The following KAZN variants were observed in gnomAD, a reference collection of about 807,000 sequenced individuals.
The protein encoded by KAZN is kazrin, periplakin interacting protein, also known as kazrin.
In KAZN, 40 loss-of-function variants were observed where a neutral mutation model predicts 87.4. The ratio of observed to expected loss-of-function variants is 0.46; its 90% CI spans 0.36 to 0.60. The LOEUF (loss-of-function observed/expected upper bound fraction) is 0.60, where lower values mean the gene tolerates loss of function less well. KAZN is among the 20% of genes least tolerant of loss of function. KAZN has a pLI of 0.00. For missense variants in KAZN, 898 were observed against 1,073.9 expected, an observed-to-expected ratio of 0.84 and a Z score of 2.29; for synonymous variants, 466 against 458.3, an observed-to-expected ratio of 1.02 and a Z score of -0.22.
intron 1 of KAZN, among the ~76,000 whole-genome samples, chr1:14,817,173 A>G (rs1646593377): frequency 6.6e-6 from 1 of 152,184 alleles, no homozygotes; most frequent in Non-Finnish European, 1.5e-5. Context: ...AACATCCAGT[A>G]CTTTCTCTAG....
chr1:15,110,445 ATGTGTGTATT>A (rs1307734182), intron 13 of KAZN, among the ~76,000 whole-genome samples: 2 of 139,676 alleles, frequency 1.4e-5, no homozygotes, highest in African/African-American at 2.7e-5. Flanking sequence ...GTATTTGTGT[ATGTGTGTATT>A]TGTGTGTGTT....
chr1:14,438,844 G>C (rs1373494323), intron 2 of KAZN, among the ~76,000 whole-genome samples: 1 of 152,232 alleles, frequency 6.6e-6, no homozygotes, highest in African/African-American at 2.4e-5. Context: ...ATAGGCTAAA[G>C]TAGAAGTTTC....
At chr1:13,989,322 A>G (rs896685713) in intron 1 of KAZN, among the ~76,000 whole-genome samples, 5 of 152,154 alleles carry the variant, frequency 3.3e-5, no homozygotes, top group African/African-American at 1.2e-4. Flanking sequence ...CCTACTATAT[A>G]AAAAGCACAT....
At chr1:14,518,737 C>T (rs1361909249) in intron 2 of KAZN, among the ~76,000 whole-genome samples, 1 of 152,182 alleles carries the variant, frequency 6.6e-6, no homozygotes, top group Admixed American at 6.5e-5. Context: ...ATCAAGCCTC[C>T]ATTTTCTCAT....
At chr1:14,621,652 G>A (rs1186634710) in intron 1 of KAZN, among the ~76,000 whole-genome samples, 1 of 152,204 alleles carries the variant, frequency 6.6e-6, no homozygotes, top group African/African-American at 2.4e-5. Flanking sequence ...GTGGGGCCAG[G>A]TGGAGATAAT....
chr1:14,910,039 A>G (rs1247773815), intron 1 of KAZN, among the ~76,000 whole-genome samples: 4 of 151,368 alleles, frequency 2.6e-5, no homozygotes, highest in Non-Finnish European at 5.9e-5. Context: ...CGACAGAGTA[A>G]GACCTTGTCT....
intron 1 of KAZN, among the ~76,000 whole-genome samples, chr1:14,688,378 G>A (rs1213566643): frequency 2.6e-5 from 4 of 152,210 alleles, no homozygotes; most frequent in African/African-American, 7.2e-5. Flanking sequence ...GCTCACCACC[G>A]TATTCCCTGT....
intron 2 of KAZN, among the ~76,000 whole-genome samples, chr1:14,181,137 T>C (rs1646188881): frequency 6.6e-6 from 1 of 152,220 alleles, no homozygotes; most frequent in Non-Finnish European, 1.5e-5. Context: ...TTAAAAGTTA[T>C]CTACTCCTTC....
intron 1 of KAZN, among the ~76,000 whole-genome samples, chr1:14,859,878 T>C (rs538356180): frequency 6.6e-6 from 1 of 152,226 alleles, no homozygotes; most frequent in Non-Finnish European, 1.5e-5. Flanking sequence ...GATGCGGCAG[T>C]GGGACCATTC....
At position 15,105,265 on chromosome 1, in the gene KAZN, A is replaced by C. The variant is rs184999400; in HGVS notation, c.2048+1076A>C. On this transcript the variant is annotated intron_variant, in intron 13 of 14. Transcript: ENST00000376030. ...TTGTTATTCTTTAGACATTTGGTAG[A>C]ATTCACCAGCGAAGCCATCTGGTCT... 2.0e-3 allele frequency among the ~76,000 whole-genome samples: 307 copies of C among 152,310 alleles called. 1 individual carries two copies. The highest frequency in any genetic ancestry group is 6.2e-3 in the African/African-American group (258 of 41,578).
intron 1 of KAZN, among the ~76,000 whole-genome samples, chr1:14,026,434 G>A (rs1208762291): frequency 6.6e-6 from 1 of 152,166 alleles, no homozygotes; most frequent in Non-Finnish European, 1.5e-5. Context: ...TTCCATCTTA[G>A]CCCCATGCAT....
intron 1 of KAZN, among the ~76,000 whole-genome samples, chr1:14,032,875 C>T (rs942843246): frequency 2.0e-5 from 3 of 152,098 alleles, no homozygotes; most frequent in Non-Finnish European, 4.4e-5. Context: ...TTACATTCTC[C>T]CAACATCCCT....
chr1:14,774,378 A>G (rs1645112630), intron 1 of KAZN, among the ~76,000 whole-genome samples: 1 of 151,954 alleles, frequency 6.6e-6, no homozygotes, highest in South Asian at 2.1e-4. Flanking sequence ...AACTCAGCAA[A>G]CAAATGGTTC....
intron 2 of KAZN, among the ~76,000 whole-genome samples, chr1:14,588,516 G>A (rs186463018): frequency 3.5e-4 from 53 of 152,338 alleles, no homozygotes; most frequent in African/African-American, 6.5e-4. Context: ...CTTAGCTTCC[G>A]AAGGGAACTT....
intron 2 of KAZN, among the ~76,000 whole-genome samples, chr1:14,514,623 A>T (rs868567676): frequency 5.6e-5 from 3 of 53,724 alleles, no homozygotes; most frequent in Admixed American, 2.5e-4. Context: ...ATATATATAT[A>T]TATATATATA....
At chr1:14,416,425 C>T (rs372648776) in intron 2 of KAZN, among the ~76,000 whole-genome samples, 1 of 152,088 alleles carries the variant, frequency 6.6e-6, no homozygotes, top group East Asian at 1.9e-4. Context: ...AGAACATTTG[C>T]CTTGATAGTA....
chr1:14,282,156 C>G (rs1652888971), intron 2 of KAZN, among the ~76,000 whole-genome samples: 1 of 152,118 alleles, frequency 6.6e-6, no homozygotes, highest in African/African-American at 2.4e-5. Flanking sequence ...ATACTACGGG[C>G]TGTTTCTTTT....
At chr1:14,218,469 A>G (rs555323083) in intron 2 of KAZN, among the ~76,000 whole-genome samples, 122 of 152,286 alleles carry the variant, frequency 8.0e-4, no homozygotes, top group Non-Finnish European at 1.6e-3. Flanking sequence ...CAGAATTTGT[A>G]CAAGATGAGC....
chr1:14,267,599 C>T (rs570797905), intron 2 of KAZN, among the ~76,000 whole-genome samples: 1 of 151,932 alleles, frequency 6.6e-6, no homozygotes, highest in Non-Finnish European at 1.5e-5. Flanking sequence ...AGGAACCAAT[C>T]CCCCATGGAT....
Sources: gnomAD v4.1 joint callset for allele counts (sites outside exome capture counted in the v4.1 genomes callset) on GRCh38, gnomAD v4.1.1 for gene constraint, MANE v1.5 for transcripts, NCBI Gene and HGNC (gene_info 2026-07-23, HGNC 2026-07-21) for gene names.